Variants in SGCD observed in about 807,000 individuals in gnomAD.
The protein encoded by SGCD is sarcoglycan delta.
Under a neutral mutation model 36.6 loss-of-function variants are expected in SGCD, and 18 were observed. The ratio of observed to expected loss-of-function variants is 0.49; its 90% CI spans 0.34 to 0.73. The LOEUF (loss-of-function observed/expected upper bound fraction) is 0.73. Ranked by LOEUF, SGCD falls within the 30% of genes least tolerant of loss-of-function variation. SGCD has a pLI of 0.01. For synonymous variants in SGCD, 133 were observed against 130.6 expected, an observed-to-expected ratio of 1.02 and a Z score of -0.12; for missense variants, 387 against 346.7, an observed-to-expected ratio of 1.12 and a Z score of -0.92.
chr5:155,929,700 C>T (rs906016909), intron 1 of SGCD, among the ~76,000 whole-genome samples: 1 of 152,312 alleles, frequency 6.6e-6, no homozygotes, highest in Non-Finnish European at 1.5e-5. Flanking sequence ...ATGGCACAGA[C>T]TTCAAAGATC....
Position 156,122,290 on chromosome 5 carries a change from G to A in SGCD, c.-207-1566G>A, listed in dbSNP as rs562214745. 1.2e-3 allele frequency among the ~76,000 whole-genome samples: 186 copies of A among 152,240 alleles called. 1 individual carries two copies. The highest frequency in any genetic ancestry group is 3.4e-3 in the African/African-American group (143 of 41,564). On this transcript the variant is annotated intron_variant, in intron 2 of 9. Transcript: ENST00000517913. The stretch of plus-strand genomic sequence containing the variant: ...GTGCTGGAGACACAGCAGAATACCC[G>A]AGATAGAATTTCTTGCATGCATGGA...
intron 3 of SGCD, among the ~76,000 whole-genome samples, chr5:156,167,738 C>G (rs1392430775): frequency 6.6e-6 from 1 of 152,144 alleles, no homozygotes; most frequent in Non-Finnish European, 1.5e-5. Context: ...TCACCATAAG[C>G]CGAGGAAATA....
chr5:156,310,460 A>G (rs1767362611), intron 3 of SGCD, among the ~76,000 whole-genome samples: 1 of 152,190 alleles, frequency 6.6e-6, no homozygotes, highest in Non-Finnish European at 1.5e-5. Context: ...CTCCATGAAC[A>G]TCCCGCCAGT....
chr5:156,690,588 A>G (rs898639030), intron 7 of SGCD, among the ~76,000 whole-genome samples: 1 of 152,144 alleles, frequency 6.6e-6, no homozygotes, highest in Non-Finnish European at 1.5e-5. Flanking sequence ...TCATCTGCTT[A>G]GATGTGAGAG....
At chr5:156,714,088 T>A (rs746759806) in intron 7 of SGCD, among the ~76,000 whole-genome samples, 39 of 152,262 alleles carry the variant, frequency 2.6e-4, no homozygotes, top group Non-Finnish European at 4.1e-4. Flanking sequence ...ACTTGTGAAT[T>A]TGCCTGTTTC....
At chr5:155,772,392 C>G in the SGCD span, among the ~76,000 whole-genome samples, 1 of 152,278 alleles carries the variant, frequency 6.6e-6, no homozygotes, top group South Asian at 2.1e-4. Flanking sequence ...TCAGGAGGGA[C>G]AGTCTGGCTA....
chr5:155,845,472 C>T, the SGCD span: 5 of 152,400 alleles, frequency 3.3e-5, no homozygotes, highest in Non-Finnish European at 2.9e-5. Flanking sequence ...CGCCTGATCT[C>T]GTCTGATCTC....
intron 3 of SGCD, among the ~76,000 whole-genome samples, chr5:156,376,399 G>A (rs1486718065): frequency 6.6e-6 from 1 of 152,194 alleles, no homozygotes; most frequent in Non-Finnish European, 1.5e-5. Context: ...AACCCTGGTT[G>A]GGTAACTGCT....
At chr5:156,022,522 A>C (rs1759128598) in intron 1 of SGCD, among the ~76,000 whole-genome samples, 1 of 152,208 alleles carries the variant, frequency 6.6e-6, no homozygotes, top group Non-Finnish European at 1.5e-5. Context: ...CAACATTATC[A>C]GAGCATGAAA....
intron 3 of SGCD, among the ~76,000 whole-genome samples, chr5:156,452,722 G>C (rs926624542): frequency 9.2e-5 from 14 of 152,094 alleles, no homozygotes; most frequent in Admixed American, 2.6e-4. Flanking sequence ...ATGCCATAAA[G>C]CTAAGATTCC....
chr5:155,842,688 G>A, the SGCD span, among the ~76,000 whole-genome samples: 3 of 152,128 alleles, frequency 2.0e-5, no homozygotes, highest in African/African-American at 7.2e-5. Context: ...GCTGTATTAT[G>A]AAAACTAACA....
chr5:156,345,691 A>T (rs1448650148), intron 3 of SGCD, among the ~76,000 whole-genome samples: 2 of 152,176 alleles, frequency 1.3e-5, no homozygotes, highest in African/African-American at 4.8e-5. Context: ...AAACCAAAAA[A>T]CAAATAACAA....
upstream of SGCD, among the ~76,000 whole-genome samples, chr5:156,325,877 G>A (rs192343702): frequency 1.3e-5 from 2 of 152,202 alleles, no homozygotes; most frequent in Non-Finnish European, 2.9e-5. Context: ...TTCCCAAGGC[G>A]AAAATCTAAT....
rs150169112 is a variant in SGCD, at chr5:156,582,741, T to A, written c.295-6490T>A. ...ATTTCCTTATCCCTAGATCTAAGTA[T>A]GTAATTCAAGCCCGTCTCCCCACTA... On this transcript the variant is annotated intron_variant, in intron 4 of 8. Coordinates refer to ENST00000337851, the MANE Select transcript of SGCD (RefSeq NM_000337.6). Among the ~76,000 whole-genome samples, 601 of 152,370 alleles carry A rather than the reference T, an allele frequency of 3.9e-3. 1 individual carries two copies. The highest frequency in any genetic ancestry group is 0.013 in the African/African-American group (557 of 41,588).
At chr5:156,275,912 T>C (rs995506759) in intron 3 of SGCD, among the ~76,000 whole-genome samples, 1 of 152,102 alleles carries the variant, frequency 6.6e-6, no homozygotes, top group Non-Finnish European at 1.5e-5. Context: ...TTATTGAACA[T>C]TTTCCATGTG....
intron 7 of SGCD, among the ~76,000 whole-genome samples, chr5:156,705,444 T>C (rs1166724806): frequency 6.6e-6 from 1 of 152,148 alleles, no homozygotes; most frequent in Non-Finnish European, 1.5e-5. Context: ...GGTTTTGCCA[T>C]TTTCTCTCTT....
At chr5:156,663,061 T>G (rs939738758) in intron 7 of SGCD, among the ~76,000 whole-genome samples, 2 of 150,590 alleles carry the variant, frequency 1.3e-5, no homozygotes, top group Non-Finnish European at 3.0e-5. Context: ...GTCCCTTTCC[T>G]GGTATATATC....
upstream of SGCD, among the ~76,000 whole-genome samples, chr5:156,326,092 T>G (rs1767808424): frequency 6.6e-6 from 1 of 152,202 alleles, no homozygotes; most frequent in South Asian, 2.1e-4. Flanking sequence ...CAAATGCTCC[T>G]CTCTCTTTAA....
At chr5:155,788,186 A>G in the SGCD span, among the ~76,000 whole-genome samples, 2 of 152,266 alleles carry the variant, frequency 1.3e-5, no homozygotes, top group Middle Eastern at 6.8e-3. Context: ...TTCACATGCA[A>G]CATTTTCTCA....
Sources: allele counts gnomAD v4.1 joint callset (sites outside exome capture counted in the v4.1 genomes callset), GRCh38; gene constraint gnomAD v4.1.1; transcripts MANE v1.5; gene names NCBI Gene and HGNC (gene_info 2026-07-23, HGNC 2026-07-21).